The following SLC14A2 variants were observed in gnomAD, a reference collection of about 807,000 sequenced individuals.
SLC14A2 encodes the protein solute carrier family 14 member 2.
Under a neutral mutation model 104.6 loss-of-function variants are expected in SLC14A2, and 91 were observed. The ratio of observed to expected loss-of-function variants is 0.87; its 90% CI spans 0.73 to 1.04. The LOEUF (loss-of-function observed/expected upper bound fraction) is 1.04. Ranked by LOEUF, SLC14A2 falls within the 50% of genes least tolerant of loss-of-function variation. The probability of loss-of-function intolerance (pLI) is 0.00; values close to 1 mark genes in which losing one functional copy is unlikely to be tolerated. For synonymous variants in SLC14A2, 476 were observed against 466.4 expected, an observed-to-expected ratio of 1.02 and a Z score of -0.27; for missense variants, 1,189 against 1,156.0, an observed-to-expected ratio of 1.03 and a Z score of -0.41.
chr18:45,439,905 C>CT (rs1223732157), intron 1 of SLC14A2, among the ~76,000 whole-genome samples: 2 of 152,294 alleles, frequency 1.3e-5, no homozygotes, highest in Non-Finnish European at 2.9e-5. Context: ...AGACTCTATG[C>CT]TTTTTTTCTC....
intron 1 of SLC14A2, among the ~76,000 whole-genome samples, chr18:45,387,005 C>A (rs529117012): frequency 2.6e-5 from 4 of 152,198 alleles, no homozygotes; most frequent in Admixed American, 6.5e-5. Flanking sequence ...TCCCTCTAGA[C>A]CTTGGCTTAA....
rs572553172 is a variant in SLC14A2 at position 45,527,195 on chromosome 18, C to T, written c.-35+43873C>T. 3.9e-5 allele frequency among the ~76,000 whole-genome samples: 6 copies of T among 152,252 alleles called. No homozygotes were observed. The East Asian group carries it at 9.7e-4, about 25-fold the overall frequency. On this transcript the variant is annotated intron_variant, in intron 2 of 20. Coordinates refer to the SLC14A2 transcript ENST00000586448. ...CTGTCCTGGAGAATTTAGGTGCTCC[C>T]TGTTCTGATGAGAAGCGTTGGGATG...
At chr18:45,398,656 T>C (rs1238572297) in intron 1 of SLC14A2, among the ~76,000 whole-genome samples, 1 of 152,114 alleles carries the variant, frequency 6.6e-6, no homozygotes, top group East Asian at 1.9e-4. Context: ...GCAACCTGGA[T>C]TAACCTTGAG....
chr18:45,526,473 G>T (rs971002476), intron 2 of SLC14A2, among the ~76,000 whole-genome samples: 26 of 152,128 alleles, frequency 1.7e-4, no homozygotes, highest in African/African-American at 6.3e-4. Flanking sequence ...TATGGATATG[G>T]AAGAAAGAAT....
intron 1 of SLC14A2, among the ~76,000 whole-genome samples, chr18:45,408,481 A>G (rs2086180425): frequency 6.6e-6 from 1 of 152,232 alleles, no homozygotes. Flanking sequence ...CCATGAGATG[A>G]CATGGTGTGT....
intron 1 of SLC14A2, among the ~76,000 whole-genome samples, chr18:45,278,305 C>T (rs905774088): frequency 7.2e-5 from 11 of 152,066 alleles, no homozygotes; most frequent in South Asian, 2.1e-4. Context: ...TATTTGGGGT[C>T]GGATAATTTT....
At chr18:45,667,173 G>A in intron 13 of SLC14A2, 79 bp downstream of exon 13, 2 of 1,191,342 alleles carry the variant, frequency 1.7e-6, no homozygotes, top group South Asian at 2.9e-5. Flanking sequence ...CATTGCCATG[G>A]GGGTTCCCTA....
At position 45,368,826 on chromosome 18, in the gene SLC14A2, C is replaced by T. The variant is rs138505517; in HGVS notation, c.-124-114407C>T. Among the ~76,000 whole-genome samples, 349 of 152,152 alleles carry T rather than the reference C, an allele frequency of 2.3e-3. 3 individuals carry two copies. The highest frequency in any genetic ancestry group is 5.3e-3 in the African/African-American group (219 of 41,498). ...GGTCCTGTTGGACACTGAAGTGTTC[C>T]GAGTAAAGTTAATAGCCAATAAAGA... On this transcript the variant is annotated intron_variant, in intron 1 of 20. Transcript: ENST00000586448.
At chr18:45,498,624 A>G (rs2043140547) in intron 2 of SLC14A2, among the ~76,000 whole-genome samples, 2 of 152,142 alleles carry the variant, frequency 1.3e-5, no homozygotes, top group South Asian at 4.1e-4. Context: ...TCTGCTCTGA[A>G]GTTAACCTCC....
intron 1 of SLC14A2, among the ~76,000 whole-genome samples, chr18:45,401,838 A>G (rs1234705052): frequency 1.3e-5 from 2 of 152,168 alleles, no homozygotes; most frequent in Non-Finnish European, 2.9e-5. Context: ...CTGGTGATAC[A>G]TTAGATATGC....
intron 1 of SLC14A2, among the ~76,000 whole-genome samples, chr18:45,378,763 C>CTGTTGTTGTTGTTGT (rs570730451): frequency 2.0e-5 from 3 of 151,944 alleles, no homozygotes; most frequent in African/African-American, 7.3e-5. Context: ...CTGATCATTG[C>CTGTTGTTGTTGTTGT]TGTTGTTGTT....
intron 18 of SLC14A2, among the ~76,000 whole-genome samples, chr18:45,675,668 C>T (rs942853870): frequency 4.9e-5 from 7 of 143,506 alleles, no homozygotes; most frequent in African/African-American, 8.0e-5. Context: ...GCATGCACCA[C>T]CATGCCCAGC....
intron 1 of SLC14A2, among the ~76,000 whole-genome samples, chr18:45,303,735 TA>T (rs2084990399): frequency 6.6e-6 from 1 of 152,248 alleles, no homozygotes; most frequent in Non-Finnish European, 1.5e-5. Flanking sequence ...AGGTGGATCA[TA>T]CTGTGCTACT....
intron 2 of SLC14A2, among the ~76,000 whole-genome samples, chr18:45,511,965 A>C (rs569143646): frequency 6.6e-6 from 1 of 152,298 alleles, no homozygotes; most frequent in East Asian, 1.9e-4. Context: ...CTGTGGCATC[A>C]AGGCATTGAC....
intron 2 of SLC14A2, among the ~76,000 whole-genome samples, chr18:45,603,567 C>T (rs142098850): frequency 8.5e-5 from 13 of 152,154 alleles, no homozygotes; most frequent in Admixed American, 6.5e-4. Flanking sequence ...GGTATTTCTT[C>T]GTCAAAACTG....
intron 2 of SLC14A2, among the ~76,000 whole-genome samples, chr18:45,484,857 G>A (rs2087569701): frequency 1.3e-5 from 2 of 152,120 alleles, no homozygotes; most frequent in African/African-American, 2.4e-5. Flanking sequence ...GTCCCAAGGA[G>A]ATAATTCAAG....
chr18:45,196,996 T>C, the SLC14A2 span, among the ~76,000 whole-genome samples: 1 of 152,184 alleles, frequency 6.6e-6, no homozygotes, highest in East Asian at 1.9e-4. Context: ...CTTGGACTAA[T>C]GTTGGGATCA....
chr18:45,252,747 C>A (rs1302615629), intron 1 of SLC14A2, among the ~76,000 whole-genome samples: 2 of 150,082 alleles, frequency 1.3e-5, no homozygotes, highest in African/African-American at 4.9e-5. Flanking sequence ...TTAGATGTTT[C>A]ACTTCTAATT....
chr18:45,645,624 C>CATATATATATATAT (rs2045610233), intron 10 of SLC14A2, among the ~76,000 whole-genome samples: 8 of 9,022 alleles, frequency 8.9e-4, no homozygotes, highest in African/African-American at 2.4e-3. Context: ...TATATATATA[C>CATATATATATATAT]ATATACAAAG....
Sources: gnomAD v4.1 joint callset for allele counts (sites outside exome capture counted in the v4.1 genomes callset) on GRCh38, gnomAD v4.1.1 for gene constraint, MANE v1.5 for transcripts, NCBI Gene and HGNC (gene_info 2026-07-23, HGNC 2026-07-21) for gene names.